The following IQCM variants were observed in gnomAD, a reference collection of about 807,000 sequenced individuals.
IQCM encodes the protein IQ motif containing M.
Under a neutral mutation model 57.6 loss-of-function variants are expected in IQCM, and 45 were observed. The observed-to-expected ratio is 0.78, with a 90% confidence interval of 0.62 to 1.00. IQCM has a LOEUF of 1.00. Ranked by LOEUF, IQCM falls within the 50% of genes least tolerant of loss-of-function variation. The pLI, the probability that IQCM is intolerant of heterozygous loss-of-function variation, is 0.00. For missense variants in IQCM, 468 were observed against 511.6 expected (o/e 0.91, Z 0.82); for synonymous variants, 148 against 158.9 (o/e 0.93, Z 0.51).
intron 12 of IQCM, among the ~76,000 whole-genome samples, chr4:149,502,933 A>AC (rs1001027500): frequency 1.3e-5 from 2 of 150,344 alleles, no homozygotes; most frequent in Non-Finnish European, 3.0e-5. Context: ...AATTTGATTA[A>AC]AAAAAAAAGT....
chr4:149,361,547 G>C (rs527711484), intron 13 of IQCM, among the ~76,000 whole-genome samples: 51 of 152,336 alleles, frequency 3.3e-4, no homozygotes, highest in African/African-American at 1.2e-3. Context: ...TTCCAGCTGT[G>C]GCTGAAAGGG....
intron 8 of IQCM, among the ~76,000 whole-genome samples, chr4:149,596,883 C>G (rs189945337): frequency 1.3e-5 from 2 of 152,220 alleles, no homozygotes; most frequent in East Asian, 3.9e-4. Context: ...TTAACCCACA[C>G]TTCTAAGAAT....
At chr4:149,673,000 T>C (rs1435637331) in intron 7 of IQCM, among the ~76,000 whole-genome samples, 3 of 152,034 alleles carry the variant, frequency 2.0e-5, no homozygotes, top group African/African-American at 7.3e-5. Context: ...AATTTTCAAC[T>C]CAGAATTTCA....
intron 12 of IQCM, among the ~76,000 whole-genome samples, chr4:149,496,358 A>G (rs1742659875): frequency 1.3e-5 from 2 of 152,168 alleles, no homozygotes. Flanking sequence ...ACATTACCTT[A>G]CATGGAAAAA....
At chr4:149,444,030 T>C (rs999947003) in intron 12 of IQCM, among the ~76,000 whole-genome samples, 2 of 151,884 alleles carry the variant, frequency 1.3e-5, no homozygotes, top group African/African-American at 4.8e-5. Flanking sequence ...TCAAAAATAA[T>C]GCATAATAAT....
At chr4:149,540,457 CTA>C (rs1747737271) in intron 12 of IQCM, among the ~76,000 whole-genome samples, 1 of 151,598 alleles carries the variant, frequency 6.6e-6, no homozygotes, top group Non-Finnish European at 1.5e-5. Flanking sequence ...AATGGCAAAT[CTA>C]TAGAGACAAA....
At chr4:149,564,386 G>A (rs948953303) in intron 9 of IQCM, among the ~76,000 whole-genome samples, 1 of 152,192 alleles carries the variant, frequency 6.6e-6, no homozygotes, top group African/African-American at 2.4e-5. Flanking sequence ...AGATGGGAAA[G>A]GTGATACTGC....
intron 2 of IQCM, among the ~76,000 whole-genome samples, chr4:149,778,612 G>C (rs1771326096): frequency 6.6e-6 from 1 of 151,834 alleles, no homozygotes; most frequent in Non-Finnish European, 1.5e-5. Context: ...TAGTAAGACT[G>C]ACAAAGGATA....
chr4:149,410,811 G>T (rs956052919), intron 13 of IQCM, among the ~76,000 whole-genome samples: 3 of 151,984 alleles, frequency 2.0e-5, no homozygotes, highest in African/African-American at 7.2e-5. Context: ...GTTAGTGCTG[G>T]CCAATAGTTA....
intron 5 of IQCM, among the ~76,000 whole-genome samples, chr4:149,708,441 T>C (rs569758440): frequency 2.0e-5 from 3 of 151,026 alleles, no homozygotes; most frequent in South Asian, 4.1e-4. Flanking sequence ...TGCAGGTGCC[T>C]AGAAAAAAAA....
rs1734359141 is a variant in IQCM, at chr4:149,424,891, A to G, written c.1390+8505T>C. Among the ~76,000 whole-genome samples, 2 of 152,002 alleles carry G rather than the reference A, an allele frequency of 1.3e-5. 1 individual carries two copies. The highest frequency in any genetic ancestry group is 4.1e-4 in the South Asian group (2 of 4,832). ...ACACACCTCACTAAATTCTAAAAGA[A>G]TATACTGATTATAATTTAATAGCTT... On this transcript the variant is annotated intron_variant, in intron 13 of 13. Transcript: ENST00000636793.
At chr4:149,361,506 T>C (rs1280840120) in intron 13 of IQCM, among the ~76,000 whole-genome samples, 2 of 152,142 alleles carry the variant, frequency 1.3e-5, no homozygotes, top group Non-Finnish European at 2.9e-5. Flanking sequence ...CCCTGTGCTG[T>C]GTGCAGCCTA....
intron 7 of IQCM, among the ~76,000 whole-genome samples, chr4:149,622,992 G>A (rs1411798655): frequency 6.6e-6 from 1 of 152,140 alleles, no homozygotes; most frequent in Non-Finnish European, 1.5e-5. Context: ...GAATAAGGTA[G>A]CTATGTAAAT....
chr4:149,526,866 T>A (rs1217060210), intron 12 of IQCM, among the ~76,000 whole-genome samples: 1 of 152,176 alleles, frequency 6.6e-6, no homozygotes, highest in Non-Finnish European at 1.5e-5. Flanking sequence ...TTTTGCTTAT[T>A]AATGAATGTT....
chr4:149,404,191 T>C lies in IQCM; in HGVS notation c.1390+29205A>G, dbSNP rs117513923. On this transcript the variant is annotated intron_variant, in intron 13 of 13. Coordinates refer to ENST00000636793, the MANE Select transcript of IQCM (RefSeq NM_001363507.2). Reference sequence around the variant, plus strand: ...GCAACATTGTTCAGATTCACTCAGGTATGTATCCAGATTTATGGAGACAGA... The same window carrying C: ...GCAACATTGTTCAGATTCACTCAGGCATGTATCCAGATTTATGGAGACAGA... Among the ~76,000 whole-genome samples the C allele has an allele frequency of 8.5e-5, 13 of 152,124 alleles. No individual in the cohort carries two copies. The East Asian group carries it at 1.9e-3, about 23-fold the overall frequency.
rs192874451 is a variant in IQCM, at chr4:149,610,502, G to A, written c.681+10627C>T. Among the ~76,000 whole-genome samples the A allele has an allele frequency of 3.9e-5, 6 of 152,142 alleles. No homozygotes were observed. The East Asian group carries it at 9.7e-4, about 25-fold the overall frequency. Reference sequence around the variant, plus strand: ...CTATAAAGCTATGGTAACATAAACAGCCTGATAGTGGCATAAAAACAAATA... The same window carrying A: ...CTATAAAGCTATGGTAACATAAACAACCTGATAGTGGCATAAAAACAAATA... On this transcript the variant is annotated intron_variant, in intron 8 of 13. Transcript: ENST00000636793.
intron 12 of IQCM, among the ~76,000 whole-genome samples, chr4:149,438,987 T>C (rs28479793): frequency 3.3e-5 from 5 of 151,822 alleles, no homozygotes; most frequent in Admixed American, 3.3e-4. Flanking sequence ...TAAAATGAGG[T>C]TATGAATTAT....
At chr4:149,549,118 T>C (rs1288133935) in intron 11 of IQCM, among the ~76,000 whole-genome samples, 1 of 152,204 alleles carries the variant, frequency 6.6e-6, no homozygotes, top group Non-Finnish European at 1.5e-5. Context: ...ATATTTAAGA[T>C]ACTTTGTCAC....
intron 13 of IQCM, among the ~76,000 whole-genome samples, chr4:149,426,006 C>A (rs1033935500): frequency 2.0e-5 from 3 of 151,944 alleles, no homozygotes; most frequent in African/African-American, 7.2e-5. Flanking sequence ...AACGAACATG[C>A]AATCCCTATT....
Sources: gnomAD v4.1 joint callset for allele counts (sites outside exome capture counted in the v4.1 genomes callset) on GRCh38, gnomAD v4.1.1 for gene constraint, MANE v1.5 for transcripts, NCBI Gene and HGNC (gene_info 2026-07-23, HGNC 2026-07-21) for gene names.